Variants in ZNF91 observed in about 807,000 individuals in gnomAD.
ZNF91 encodes the protein zinc finger protein 91.
In ZNF91, 7 loss-of-function variants were observed where a neutral mutation model predicts 12.6. The observed-to-expected ratio is 0.55, with a 90% CI of 0.31 to 1.04. ZNF91 has a LOEUF of 1.04. ZNF91 is among the 50% of genes least tolerant of loss of function. The pLI is 0.05. For missense variants in ZNF91, 1,217 were observed against 1,385.4 expected (o/e 0.88, Z 1.93); for synonymous variants, 453 against 462.6 (o/e 0.98, Z 0.27).
intron 1 of ZNF91, among the ~76,000 whole-genome samples, chr19:23,331,604 G>A (rs879258738): frequency 2.0e-5 from 3 of 152,168 alleles, no homozygotes; most frequent in Non-Finnish European, 4.4e-5. Flanking sequence ...CATCTTCTCC[G>A]TTTCTCATGG....
intron 1 of ZNF91, chr19:23,380,231 C>G (rs1969654588): frequency 7.6e-6 from 1 of 131,324 alleles, no homozygotes; most frequent in African/African-American, 2.9e-5. Flanking sequence ...TGCACCATTG[C>G]ACTCTGGCCT....
chr19:23,384,724 T>C (rs912530144), intron 1 of ZNF91: 8 of 612,906 alleles, frequency 1.3e-5, no homozygotes, highest in Non-Finnish European at 2.4e-5. Flanking sequence ...CAATGAGCTT[T>C]TACCTGGAAA....
At chr19:23,327,349 T>C (rs1002713351) in intron 1 of ZNF91, 9 of 152,142 alleles carry the variant, frequency 5.9e-5, no homozygotes, top group African/African-American at 9.6e-5. Flanking sequence ...TTTAACTTTC[T>C]TTTAAAAGAG....
At chr19:23,379,100 A>G (rs1969607912) in intron 1 of ZNF91, among the ~76,000 whole-genome samples, 1 of 152,210 alleles carries the variant, frequency 6.6e-6, no homozygotes, top group Non-Finnish European at 1.5e-5. Flanking sequence ...TGTCTCAAAG[A>G]TACCTAGGTG....
intron 2 of ZNF91, chr19:23,308,370 T>C (rs1967426383): frequency 6.6e-6 from 1 of 152,208 alleles, no homozygotes; most frequent in Non-Finnish European, 1.5e-5. Context: ...TTGACATATC[T>C]CTGGCAACAC....
chr19:23,359,816 A>G lies in ZNF91; in HGVS notation c.3163T>C (p.Cys1055Arg), dbSNP rs1568381937. Residue 1055 changes from cysteine (C) to arginine (R), a missense_variant, in exon 4 of 4, where the codon TGT (cysteine) becomes CGT (arginine). Cys to Arg is a radical substitution (Grantham distance 180, BLOSUM62 -3). Coordinates refer to ENST00000300619, the MANE Select transcript of ZNF91 (RefSeq NM_003430.4). ...GAGGATGATATAAATGCTTTGCCAC[A>G]TTCTTCACACTTGTAAGGTTTCTCT... ...TGEKPYKCEE[C>R]GKAFISSSTL... 6.2e-7 allele frequency: 1 copy of G among 1,613,948 alleles called. No individual in the cohort carries two copies. The highest frequency in any genetic ancestry group is 1.1e-5 in the South Asian group (1 of 91,080).
chr19:23,352,767 A>C (rs555273348), downstream of ZNF91, among the ~76,000 whole-genome samples: 36 of 152,334 alleles, frequency 2.4e-4, no homozygotes, highest in African/African-American at 8.2e-4. Context: ...GGAAAAAGGC[A>C]TTTCATGCAA....
exon 4 of ZNF91, chr19:23,338,944 C>G (rs2145879415): frequency 6.6e-6 from 1 of 151,484 alleles, no homozygotes; most frequent in South Asian, 2.1e-4. Flanking sequence ...CCCAGCTACT[C>G]AGGAGGCTGA....
At chr19:23,307,314 A>G (rs1262513435) in intron 3 of ZNF91, 1 of 151,834 alleles carries the variant, frequency 6.6e-6, no homozygotes, top group Non-Finnish European at 1.5e-5. Flanking sequence ...CTGCTCTCTT[A>G]CCCGAGCATT....
intron 1 of ZNF91, among the ~76,000 whole-genome samples, chr19:23,382,305 T>C (rs1969746232): frequency 6.6e-6 from 1 of 152,262 alleles, no homozygotes; most frequent in Non-Finnish European, 1.5e-5. Context: ...TGTGTGCACA[T>C]GAAAGAATGT....
downstream of ZNF91, among the ~76,000 whole-genome samples, chr19:23,353,900 C>T (rs184311886): frequency 1.2e-4 from 19 of 152,150 alleles, no homozygotes; most frequent in East Asian, 3.7e-3. Flanking sequence ...AATCAGGAGG[C>T]ATTAGATACC....
At chr19:23,340,693 C>G (rs745533917) in intron 3 of ZNF91, among the ~76,000 whole-genome samples, 2 of 151,160 alleles carry the variant, frequency 1.3e-5, no homozygotes, top group African/African-American at 2.4e-5. Context: ...ACCCTGATAC[C>G]AAAACTAGCC....
chr19:23,368,904 T>C (rs1399938436), intron 3 of ZNF91, among the ~76,000 whole-genome samples: 4 of 152,096 alleles, frequency 2.6e-5, no homozygotes, highest in Non-Finnish European at 5.9e-5. Context: ...ACAAAATTAC[T>C]AATTTGTAGA....
chr19:23,346,326 C>A (rs952447703), intron 3 of ZNF91, among the ~76,000 whole-genome samples: 4 of 152,100 alleles, frequency 2.6e-5, no homozygotes, highest in African/African-American at 7.2e-5. Context: ...CATCACCAGG[C>A]TCCTGCCCAG....
intron 1 of ZNF91, chr19:23,326,259 A>AT (rs1255425627): frequency 2.0e-5 from 3 of 151,944 alleles, no homozygotes; most frequent in Non-Finnish European, 4.4e-5. Flanking sequence ...CCTCAAGAAT[A>AT]TTTTTTCCAT....
intron 1 of ZNF91, among the ~76,000 whole-genome samples, chr19:23,315,722 T>C (rs564721937): frequency 2.6e-5 from 4 of 152,348 alleles, no homozygotes; most frequent in Admixed American, 1.3e-4. Context: ...CTATGTTATA[T>C]GAGGCCTCTC....
Position 23,360,023 on chromosome 19 carries a change from T to C in ZNF91, c.2956A>G (p.Ile986Val), listed in dbSNP as rs1364287583. The change falls in exon 4 of 4, where the codon ATA becomes GTA. Residue 986 changes from isoleucine (I) to valine (V), a missense_variant. Coordinates refer to ENST00000300619, the MANE Select transcript of ZNF91 (RefSeq NM_003430.4). ...TAGGGTTTCTCTCCAGTATGAATTA[T>C]CTTATGTTCAGTAAGAGTTGAAGAT... is the stretch of plus-strand genomic sequence containing the variant. ...RKSSTLTEHKIIHTGEKPYKC... is the reference protein window; with the variant it reads ...RKSSTLTEHKVIHTGEKPYKC... 1 of 1,613,522 alleles carries C rather than the reference T, an allele frequency of 6.2e-7. No homozygotes were observed. Among genetic ancestry groups the C allele is most frequent in the Non-Finnish European group, 8.5e-7 (1 of 1,180,008 alleles).
downstream of ZNF91, chr19:23,338,150 A>G (rs1968050366): frequency 6.6e-6 from 1 of 152,222 alleles, no homozygotes. Context: ...GAAGCTCAGC[A>G]AACAAAATAC....
intron 1 of ZNF91, among the ~76,000 whole-genome samples, chr19:23,393,053 G>GT (rs1046224054): frequency 5.7e-4 from 86 of 150,600 alleles, no homozygotes; most frequent in Admixed American, 1.2e-3. Flanking sequence ...GGTTTTTTGG[G>GT]TTTTTTTTTG....
Sources: allele counts gnomAD v4.1 joint callset (sites outside exome capture counted in the v4.1 genomes callset), GRCh38; gene constraint gnomAD v4.1.1; transcripts MANE v1.5; gene names NCBI Gene and HGNC (gene_info 2026-07-23, HGNC 2026-07-21).